The following KNL1 variants were observed in gnomAD, a reference collection of about 807,000 sequenced individuals.
The protein encoded by KNL1 is outer kinetochore KNL1 complex subunit KNL1.
In KNL1, 66 loss-of-function variants were observed where a neutral mutation model predicts 201.3. That is an observed-to-expected ratio of 0.33 (90% confidence interval 0.27 to 0.40). The LOEUF is 0.40. Among genes scored for constraint, KNL1 ranks in the 10% least tolerant of loss-of-function variants. The pLI is 1.00. For missense variants in KNL1, 2,815 were observed against 2,690.5 expected, an observed-to-expected ratio of 1.05 and a Z score of -1.02; for synonymous variants, 895 against 899.2, an observed-to-expected ratio of 1.00 and a Z score of 0.08.
In KNL1 at chr15:40,623,997, A is replaced by G; in HGVS notation, c.3733A>G (p.Ile1245Val). ...AATNRTTNEI[I>V]KFHSAAMDEK... ...TACTAATAGAACTACTAATGAAATC[A>G]TCAAATTTCATAGTGCTGCTATGGA... The change falls in exon 10 of 26, where the codon ATC becomes GTC. Residue 1245 changes from isoleucine to valine, a missense_variant. Physicochemically the swap from Ile to Val is conservative, Grantham distance 29. Around this residue, in one of 3 missense-constraint regions of KNL1, gnomAD observed 2,464 missense variants for 2,291.7 expected, o/e 1.08. Coordinates refer to ENST00000399668, the MANE Select transcript of KNL1 (RefSeq NM_144508.5). 6.2e-7 allele frequency: 1 copy of G among 1,613,822 alleles called. No homozygotes were observed. Among genetic ancestry groups the G allele is most frequent in the Admixed American group, 1.7e-5 (1 of 60,024 alleles).
In KNL1 at chr15:40,622,502, C is replaced by A. The variant is rs1255586580; in HGVS notation, c.2238C>A (p.Asp746Glu). The part of the protein sequence containing the change: ...LRKSLSNPTP[D>E]YCHDKMIICS... ...AAAGTTTAAGCAATCCCACACCTGA[C>A]TATTGCCATGACAAGATGATTATAT... Residue 746 changes from aspartate (D) to glutamate (E), a missense_variant, in exon 10 of 26, where the codon GAC (aspartate) becomes GAA (glutamate). Asp to Glu is a conservative substitution (Grantham distance 45). Transcript: ENST00000399668. The A allele has an allele frequency of 1.9e-6, 3 of 1,614,014 alleles. No individual in the cohort carries two copies. The highest frequency in any genetic ancestry group is 1.7e-4 in the Middle Eastern group (1 of 6,060).
chr15:40,605,114 A>G lies in KNL1; in HGVS notation c.40A>G (p.Asn14Asp), dbSNP rs1891930820. 1 of 1,469,336 alleles carries G rather than the reference A, an allele frequency of 6.8e-7. No homozygotes were observed. The highest frequency in any genetic ancestry group is 9.5e-7 in the Non-Finnish European group (1 of 1,050,328). 91.0% of individuals were successfully genotyped at this position (1,469,336 alleles called of 1,614,324 possible). A position where few individuals can be genotyped will look rare whatever the true frequency, so the allele number is the denominator to read the frequency against. The change falls in exon 3 of 26, where the codon AAT (asparagine) becomes GAT (aspartate). Residue 14 changes from asparagine to aspartate, a missense_variant. Asn to Asp is a conservative substitution (Grantham distance 23). Transcript: ENST00000399668. ...VSSEANEEND[N>D]IERPVRRRHS... is the part of the protein sequence containing the mutation. ...AATTTTGTTTTCCTTTTTCAGTGAC[A>G]ATATAGAGAGACCTGTTAGAAGACG...
At chr15:40,656,274 T>C (rs1893729422) in intron 22 of KNL1, among the ~76,000 whole-genome samples, 1 of 151,756 alleles carries the variant, frequency 6.6e-6, no homozygotes, top group African/African-American at 2.4e-5. Context: ...CTACTAAAAA[T>C]ACGAAGAAAT....
At chr15:40,627,982 A>G (rs987990600) in intron 10 of KNL1, 88 bp from the exon 11 acceptor site, 58 of 818,074 alleles carry the variant, frequency 7.1e-5, no homozygotes, top group Admixed American at 8.3e-5. Flanking sequence ...GATTAATTGT[A>G]TGTTAGAAGT....
chr15:40,654,975 A>G lies in KNL1; in HGVS notation c.6482A>G (p.Asp2161Gly), dbSNP rs142872154. ...GATGTCAATTTTCAATCTCTGTTAG[A>G]TGGTAAGTAGAAAACATTTAAGCCT... ...IVDVNFQSLL[D>G]EDQAPPSSLL... Residue 2161 changes from aspartate to glycine, a missense_variant and splice_region_variant, in exon 22 of 26, where the codon GAT becomes GGT. Around this residue, in one of 3 missense-constraint regions of KNL1, gnomAD observed 334 missense variants for 362.6 expected, o/e 0.92. Transcript: ENST00000399668. The G allele has an allele frequency of 1.9e-4, 301 of 1,611,174 alleles. 2 individuals are homozygous for G. In the African/African-American group the frequency reaches 3.4e-3, roughly 18 times the overall value.
In KNL1 at chr15:40,622,873, A is replaced by G. The variant is rs1297428598; in HGVS notation, c.2609A>G (p.Asn870Ser). 2 of 1,612,986 alleles carry G rather than the reference A, an allele frequency of 1.2e-6. No homozygotes were observed. The highest frequency in any genetic ancestry group is 1.7e-6 in the Non-Finnish European group (2 of 1,179,078). The change falls in exon 10 of 26, where the codon AAT (asparagine) becomes AGT (serine). Residue 870 changes from asparagine (N) to serine (S), a missense_variant. By Grantham distance (46) the Asn-to-Ser change is conservative. Coordinates refer to ENST00000399668, the MANE Select transcript of KNL1 (RefSeq NM_144508.5). ...ATTGTATTTTCAGAAGACGATAAGA[A>G]TGATATGGATATCACTAAGAGTTAT... is the stretch of plus-strand genomic sequence containing the variant. Reference protein sequence around the residue: ...KTIVFSEDDKNDMDITKSYTI... With the variant: ...KTIVFSEDDKSDMDITKSYTI...
intron 22 of KNL1, 63 bp from the exon 23 acceptor site, chr15:40,656,979 C>T (rs1893752477): frequency 4.3e-6 from 3 of 697,316 alleles, no homozygotes; most frequent in East Asian, 2.8e-5. Context: ...GTATTTTTCA[C>T]TTATATAAAA....
At chr15:40,636,654 C>A (rs1167529095) in intron 13 of KNL1, among the ~76,000 whole-genome samples, 1 of 151,848 alleles carries the variant, frequency 6.6e-6, no homozygotes, top group Non-Finnish European at 1.5e-5. Context: ...CATGGTGAAA[C>A]CCCCCCTCTA....
At chr15:40,634,277 T>TACAAGAAACCC (rs1892994977) in intron 13 of KNL1, among the ~76,000 whole-genome samples, 1 of 152,080 alleles carries the variant, frequency 6.6e-6, no homozygotes, top group Non-Finnish European at 1.5e-5. Flanking sequence ...TGGCCAATTT[T>TACAAGAAACCC]TGTATTCTTA....
At chr15:40,628,267 G>C in intron 11 of KNL1, 59 bp downstream of exon 11, 4 of 1,487,684 alleles carry the variant, frequency 2.7e-6, no homozygotes, top group Non-Finnish European at 3.6e-6. Context: ...CTAATAATAA[G>C]TAGTTTTCAG....
At chr15:40,651,303 A>G (rs1893554542) in intron 19 of KNL1, among the ~76,000 whole-genome samples, 168 bp from the exon 20 acceptor site, 1 of 152,006 alleles carries the variant, frequency 6.6e-6, no homozygotes, top group South Asian at 2.1e-4. Context: ...TATAAAAAAA[A>G]AAAAAAAAAC....
chr15:40,612,142 C>G (rs1396584398), intron 7 of KNL1, among the ~76,000 whole-genome samples: 2 of 152,058 alleles, frequency 1.3e-5, no homozygotes, highest in Non-Finnish European at 2.9e-5. Flanking sequence ...GTGGTGAAAC[C>G]CCATCTCTAC....
rs2141721895 is a variant in KNL1 at position 40,622,745 on chromosome 15, G to A, written c.2481G>A (p.Val827=). Residue 827 remains valine (V), a synonymous_variant, in exon 10 of 26, where the codon GTG becomes GTA. Transcript: ENST00000399668. ...GVLKSNCIMD[V]LEDESVQKPK... is the part of the protein sequence containing the mutation. ...TTAAATCTAACTGTATTATGGATGTGTTAGAGGACGAAAGTGTACAGAAAC... is the reference window on the plus strand; with the variant it reads ...TTAAATCTAACTGTATTATGGATGTATTAGAGGACGAAAGTGTACAGAAAC... 1 of 1,604,962 alleles carries A rather than the reference G, an allele frequency of 6.2e-7. No homozygotes were observed. The highest frequency in any genetic ancestry group is 8.5e-7 in the Non-Finnish European group (1 of 1,176,732).
At chr15:40,612,046 A>C (rs535037610) in intron 7 of KNL1, among the ~76,000 whole-genome samples, 1 of 152,168 alleles carries the variant, frequency 6.6e-6, no homozygotes, top group South Asian at 2.1e-4. Flanking sequence ...GGCCGGGCAC[A>C]GTGGCTTACG....
intron 25 of KNL1, among the ~76,000 whole-genome samples, chr15:40,660,251 A>G (rs1374082803): frequency 6.6e-6 from 1 of 152,078 alleles, no homozygotes; most frequent in Non-Finnish European, 1.5e-5. Context: ...GCTGGAGACC[A>G]CTGGTCTATT....
chr15:40,653,134 C>T (rs1246202328), intron 21 of KNL1, among the ~76,000 whole-genome samples: 8 of 152,048 alleles, frequency 5.3e-5, no homozygotes, highest in African/African-American at 2.4e-5. Flanking sequence ...CTTTCTCCCT[C>T]GCTGTACATA....
chr15:40,651,292 A>T (rs563183991), intron 19 of KNL1, among the ~76,000 whole-genome samples, 179 bp from the exon 20 acceptor site: 18 of 35,960 alleles, frequency 5.0e-4, no homozygotes, highest in African/African-American at 1.5e-3. Context: ...ATTAATGCTT[A>T]TATAAAAAAA....
intron 8 of KNL1, 55 bp downstream of exon 8, chr15:40,615,433 T>A: frequency 1.9e-6 from 1 of 515,856 alleles, no homozygotes; most frequent in Admixed American, 3.4e-5. Context: ...CATCTAGGTT[T>A]CTTGATCACT....
At chr15:40,615,610 AC>A (rs1283896104) in intron 8 of KNL1, 1 of 186,424 alleles carries the variant, frequency 5.4e-6, no homozygotes, top group Non-Finnish European at 1.1e-5. Flanking sequence ...CTACTAAAAT[AC>A]AAAAAAGTAG....
Sources: allele counts gnomAD v4.1 joint callset (sites outside exome capture counted in the v4.1 genomes callset), GRCh38; gene constraint gnomAD v4.1.1; regional missense constraint gnomAD v4.1.1; transcripts MANE v1.5; gene names NCBI Gene and HGNC (gene_info 2026-07-23, HGNC 2026-07-21).